PDE10A: variants seen among roughly 807,000 people sequenced by gnomAD.
The protein encoded by PDE10A is phosphodiesterase 10A.
PDE10A carries 39 observed loss-of-function variants against 97.7 expected under a neutral mutation model. That is an observed-to-expected ratio of 0.40 (90% CI 0.31 to 0.52). The LOEUF (loss-of-function observed/expected upper bound fraction) is 0.52. PDE10A is among the 20% of genes least tolerant of loss of function. The probability of loss-of-function intolerance (pLI) is 0.56; values close to 1 mark genes in which losing one functional copy is unlikely to be tolerated. For synonymous variants in PDE10A, 371 were observed against 376.8 expected (o/e 0.98, Z 0.18); for missense variants, 731 against 1,047.8 (o/e 0.70, Z 4.17).
chr6:165,892,555 A>G (rs149050021), intron 1 of PDE10A, among the ~76,000 whole-genome samples: 2 of 152,176 alleles, frequency 1.3e-5, no homozygotes, highest in African/African-American at 4.8e-5. Flanking sequence ...TCCCCAAGGC[A>G]TGGGTGCATG....
chr6:165,689,898 C>T (rs537056555), intron 1 of PDE10A, among the ~76,000 whole-genome samples: 1 of 152,304 alleles, frequency 6.6e-6, no homozygotes, highest in South Asian at 2.1e-4. Context: ...CCAGTTCTGC[C>T]ACCGGGTGAG....
intron 18 of PDE10A, among the ~76,000 whole-genome samples, chr6:165,355,013 A>C (rs1782937670): frequency 6.6e-6 from 1 of 152,132 alleles, no homozygotes; most frequent in Non-Finnish European, 1.5e-5. Flanking sequence ...AATTCTGTGG[A>C]TTGCTTCCAT....
chr6:165,979,831 A>C (rs1256203932), intron 1 of PDE10A, among the ~76,000 whole-genome samples: 1 of 152,244 alleles, frequency 6.6e-6, no homozygotes, highest in African/African-American at 2.4e-5. Flanking sequence ...ATGAGAACTC[A>C]AGAGTAATAC....
At chr6:165,479,031 C>G (rs1779452373) in intron 3 of PDE10A, among the ~76,000 whole-genome samples, 1 of 152,118 alleles carries the variant, frequency 6.6e-6, no homozygotes, top group Admixed American at 6.5e-5. Flanking sequence ...CAAGCTGTAG[C>G]CCAACTATTC....
intron 1 of PDE10A, among the ~76,000 whole-genome samples, chr6:165,788,518 C>CAAAAAAAAAAAAAAAAAAAAAAGAAAAA (rs56927613): frequency 1.3e-5 from 1 of 74,764 alleles, no homozygotes. Flanking sequence ...AACTCTGTCT[C>CAAAAAAAAAAAAAAAAAAAAAAGAAAAA]AAAAAAAAAA....
intron 1 of PDE10A, among the ~76,000 whole-genome samples, chr6:165,546,643 T>C (rs914879417): frequency 2.0e-5 from 3 of 152,020 alleles, no homozygotes; most frequent in Non-Finnish European, 4.4e-5. Flanking sequence ...GTTGATAAAG[T>C]TGTTGTCCCA....
chr6:165,976,392 C>T (rs1378835344), intron 1 of PDE10A, among the ~76,000 whole-genome samples: 7 of 152,008 alleles, frequency 4.6e-5, no homozygotes, highest in Non-Finnish European at 8.8e-5. Context: ...GAGACTAGGC[C>T]GTGACTACAA....
chr6:165,555,317 T>A (rs1037171925), intron 1 of PDE10A, among the ~76,000 whole-genome samples: 13 of 152,160 alleles, frequency 8.5e-5, no homozygotes, highest in Admixed American at 2.6e-4. Context: ...ACAACATTTT[T>A]AAAAAATAAT....
At position 165,737,999 on chromosome 6, in the gene PDE10A, T is replaced by TTTTA. The variant is rs150754495; in HGVS notation, c.-614-194432_-614-194431insTAAA. Reference sequence around the variant, plus strand: ...CTAAAAAAGTCAGTCCCACTTCTTTTTTTTATTTTATTTTATTTTTTTATT... The same window carrying TTTTA: ...CTAAAAAAGTCAGTCCCACTTCTTTTTTTATTTTATTTTATTTTATTTTTTTATT... On this transcript the variant is annotated intron_variant, in intron 1 of 19. Transcript: ENST00000366882. 8.0e-4 allele frequency among the ~76,000 whole-genome samples: 108 copies of TTTTA among 134,618 alleles called. 1 individual carries two copies. Among genetic ancestry groups the TTTTA allele is most frequent in the African/African-American group, 2.1e-3 (86 of 40,040 alleles). The allele number at this position is 134,618 out of a possible 152,430, so 88.3% of individuals were successfully genotyped here.
chr6:165,908,529 G>A (rs941395273), intron 1 of PDE10A, among the ~76,000 whole-genome samples: 1 of 152,226 alleles, frequency 6.6e-6, no homozygotes, highest in Non-Finnish European at 1.5e-5. Context: ...ATACAATCCA[G>A]CACGGGGGCC....
chr6:165,425,574 A>G (rs182041107), intron 10 of PDE10A, among the ~76,000 whole-genome samples: 4 of 152,280 alleles, frequency 2.6e-5, no homozygotes, highest in African/African-American at 9.6e-5. Context: ...CCCACAAAAA[A>G]ATCATATTTA....
At chr6:165,434,040 AAGT>A (rs796416732) in intron 6 of PDE10A, among the ~76,000 whole-genome samples, 2,680 of 130,020 alleles carry the variant, frequency 0.021, 265 homozygotes, top group African/African-American at 0.028. Context: ...AAAAAAAAAG[AAGT>A]AGTACAGGGA....
At chr6:165,736,918 CA>C (rs1562711382) in intron 1 of PDE10A, among the ~76,000 whole-genome samples, 1 of 151,796 alleles carries the variant, frequency 6.6e-6, no homozygotes, top group African/African-American at 2.4e-5. Flanking sequence ...AGTTGACTAA[CA>C]AAAAAGAGCA....
chr6:165,475,614 G>A (rs538215990), intron 3 of PDE10A, among the ~76,000 whole-genome samples: 21 of 152,192 alleles, frequency 1.4e-4, no homozygotes, highest in Admixed American at 5.9e-4. Context: ...AATATTCTGC[G>A]GGAAGTAATG....
At chr6:165,796,639 T>A (rs1162543290) in intron 1 of PDE10A, among the ~76,000 whole-genome samples, 3 of 152,186 alleles carry the variant, frequency 2.0e-5, no homozygotes, top group Admixed American at 2.0e-4. Flanking sequence ...CACAAAATAA[T>A]AATAATTCTC....
At chr6:165,449,144 C>G (rs1791088103) in intron 4 of PDE10A, among the ~76,000 whole-genome samples, 167 bp from the exon 5 acceptor site, 1 of 152,100 alleles carries the variant, frequency 6.6e-6, no homozygotes, top group Non-Finnish European at 1.5e-5. Flanking sequence ...TACTTAATAG[C>G]ATAATTAAAA....
chr6:165,730,489 C>T (rs1057101377), intron 1 of PDE10A, among the ~76,000 whole-genome samples: 3 of 152,216 alleles, frequency 2.0e-5, no homozygotes, highest in Non-Finnish European at 4.4e-5. Context: ...AGGTGATTCA[C>T]ACCTGTAATC....
intron 1 of PDE10A, among the ~76,000 whole-genome samples, chr6:165,896,808 G>A (rs555157746): frequency 3.7e-4 from 56 of 152,198 alleles, no homozygotes; most frequent in Middle Eastern, 3.4e-3. Context: ...ACATGCGTGA[G>A]CCACCGCACC....
intron 1 of PDE10A, among the ~76,000 whole-genome samples, chr6:165,811,138 G>A (rs1366181527): frequency 6.6e-6 from 1 of 152,116 alleles, no homozygotes; most frequent in Non-Finnish European, 1.5e-5. Flanking sequence ...CAGGAGAATT[G>A]CTTGAACCCA....
Sources: gnomAD v4.1 joint callset for allele counts (sites outside exome capture counted in the v4.1 genomes callset) on GRCh38, gnomAD v4.1.1 for gene constraint, MANE v1.5 for transcripts, NCBI Gene and HGNC (gene_info 2026-07-23, HGNC 2026-07-21) for gene names.